Variants in IGF2R observed in about 807,000 individuals in gnomAD.
IGF2R encodes the protein cation-independent mannose-6-phosphate receptor.
IGF2R carries 91 observed loss-of-function variants against 270.6 expected under a neutral mutation model. That is an observed-to-expected ratio of 0.34 (90% CI 0.28 to 0.40). The LOEUF is 0.40. Ranked by LOEUF, IGF2R falls within the 10% of genes least tolerant of loss-of-function variation. The pLI, the probability that IGF2R is intolerant of heterozygous loss-of-function variation, is 1.00. For missense variants in IGF2R, 2,805 were observed against 3,188.3 expected (o/e 0.88, Z 2.90); for synonymous variants, 1,316 against 1,258.9 (o/e 1.05, Z -0.96).
chr6:159,969,472 C>T (rs1429130095), intron 1 of IGF2R, 77 bp downstream of exon 1: 26 of 1,050,008 alleles, frequency 2.5e-5, no homozygotes, highest in Non-Finnish European at 3.1e-5. Context: ...GGGGAGCGCT[C>T]GAGGAGCTCC....
intron 9 of IGF2R, among the ~76,000 whole-genome samples, chr6:160,033,619 A>C (rs1777750242): frequency 6.6e-6 from 1 of 152,266 alleles, no homozygotes; most frequent in Admixed American, 6.5e-5. Flanking sequence ...TAGAGTAAGA[A>C]TGCTTCTGTT....
chr6:160,101,839 C>T (rs146118384), intron 45 of IGF2R, among the ~76,000 whole-genome samples: 19 of 152,320 alleles, frequency 1.2e-4, no homozygotes, highest in South Asian at 6.2e-4. Context: ...GTCATGGAAA[C>T]GCACTGCTTT....
chr6:160,045,684 G>A, intron 13 of IGF2R, 61 bp from the exon 14 acceptor site: 2 of 1,595,524 alleles, frequency 1.3e-6, no homozygotes, highest in Admixed American at 3.3e-5. Flanking sequence ...AGAGAAGAAT[G>A]AGGTAAGATA....
Position 160,078,326 on chromosome 6 carries a change from C to G in IGF2R, c.5442C>G (p.Ser1814Arg). The G allele has an allele frequency of 1.2e-6, 2 of 1,614,170 alleles. No homozygotes were observed. Among genetic ancestry groups the G allele is most frequent in the Non-Finnish European group, 1.7e-6 (2 of 1,179,974 alleles). The change falls in exon 37 of 48, where the codon AGC becomes AGG. Residue 1814 changes from serine to arginine, a missense_variant. By Grantham distance (110) the Ser-to-Arg change is moderately radical (BLOSUM62 -1). This residue lies in a region of IGF2R where 1,851 missense variants were observed against 2,207.2 expected (regional missense o/e 0.84). Transcript: ENST00000356956. ...CTLTDEQLLY[S>R]FNLSSLSTST... is the part of the protein sequence containing the mutation. The stretch of plus-strand genomic sequence containing the variant: ...TGACAGATGAGCAGCTCCTCTACAG[C>G]TTCAACTTGTCCAGCCTTTCCACGA...
intron 6 of IGF2R, among the ~76,000 whole-genome samples, chr6:160,028,138 G>T (rs1289323613): frequency 6.6e-6 from 1 of 152,234 alleles, no homozygotes; most frequent in Non-Finnish European, 1.5e-5. Context: ...TTCCTACACA[G>T]TCTAAAGGCT....
chr6:160,072,030 A>G lies in IGF2R; in HGVS notation c.4564A>G (p.Ser1522Gly). 1 of 1,614,134 alleles carries G rather than the reference A, an allele frequency of 6.2e-7. No individual in the cohort carries two copies. Among genetic ancestry groups the G allele is most frequent in the Non-Finnish European group, 8.5e-7 (1 of 1,180,008 alleles). Residue 1522 changes from serine to glycine, a missense_variant, in exon 32 of 48, where the codon AGC (serine) becomes GGC (glycine). Ser to Gly is a moderately conservative substitution (Grantham distance 56). Around this residue, in one of 2 missense-constraint regions of IGF2R, gnomAD observed 1,851 missense variants for 2,207.2 expected, o/e 0.84. Transcript: ENST00000356956. ...EHDDCQVTNPSTGHLFDLSSL... is the reference protein window; with the variant it reads ...EHDDCQVTNPGTGHLFDLSSL... ...TGATGACTGCCAGGTCACCAACCCA[A>G]GCACAGGTGAGAGGTGGTGCCAGTC...
At chr6:160,079,479 C>A (rs1170723837) in intron 37 of IGF2R, 101 bp from the exon 38 acceptor site, 3 of 813,530 alleles carry the variant, frequency 3.7e-6, no homozygotes, top group Non-Finnish European at 5.2e-6. Context: ...TGCTCTTCCT[C>A]ATGAACCTGC....
In IGF2R at chr6:159,991,296, T is replaced by A. The variant is rs2115183564; in HGVS notation, c.262T>A (p.Leu88Met). The part of the protein sequence containing the change: ...GPSSAVCMHD[L>M]KTRTYHSVGD... The stretch of plus-strand genomic sequence containing the variant: ...ATCAAGTGCTGTTTGTATGCACGAC[T>A]TGAAGACACGCACTTATCATTCAGT... Residue 88 changes from leucine (L) to methionine (M), a missense_variant, in exon 2 of 48, where the codon TTG becomes ATG. Physicochemically the swap from Leu to Met is conservative, Grantham distance 15. Transcript: ENST00000356956. 6.2e-7 allele frequency: 1 copy of A among 1,613,648 alleles called. No individual in the cohort carries two copies. Among genetic ancestry groups the A allele is most frequent in the Non-Finnish European group, 8.5e-7 (1 of 1,179,814 alleles).
chr6:160,065,040 G>A, intron 29 of IGF2R, 139 bp downstream of exon 29: 1 of 640,152 alleles, frequency 1.6e-6, no homozygotes. Flanking sequence ...ATTAAAATGA[G>A]GAGTCGGGCT....
intron 2 of IGF2R, among the ~76,000 whole-genome samples, chr6:159,999,699 G>C (rs565984164): frequency 2.3e-4 from 35 of 152,206 alleles, no homozygotes; most frequent in Non-Finnish European, 4.1e-4. Flanking sequence ...ATATGTATGG[G>C]AACTTAAGAT....
chr6:159,991,309 C>G lies in IGF2R; in HGVS notation c.275C>G (p.Thr92Ser), dbSNP rs1015964251. 5 of 1,610,184 alleles carry G rather than the reference C, an allele frequency of 3.1e-6. No homozygotes were observed. The highest frequency in any genetic ancestry group is 3.4e-6 in the Non-Finnish European group (4 of 1,178,694). Reference sequence around the variant, plus strand: ...TGTATGCACGACTTGAAGACACGCACTTATCATTCAGTGGGTAAGTAGAAC... The same window carrying G: ...TGTATGCACGACTTGAAGACACGCAGTTATCATTCAGTGGGTAAGTAGAAC... ...AVCMHDLKTR[T>S]YHSVGDSVLR... Residue 92 changes from threonine (T) to serine (S), a missense_variant, in exon 2 of 48, where the codon ACT becomes AGT. Physicochemically the swap from Thr to Ser is moderately conservative, Grantham distance 58. Around this residue, in one of 2 missense-constraint regions of IGF2R, gnomAD observed 954 missense variants for 981.1 expected, o/e 0.97. Transcript: ENST00000356956.
intron 1 of IGF2R, among the ~76,000 whole-genome samples, chr6:159,989,595 TA>T (rs1783945940): frequency 6.6e-6 from 1 of 152,188 alleles, no homozygotes; most frequent in Admixed American, 6.5e-5. Flanking sequence ...GCATTGAAAA[TA>T]AAAAAATTTT....
intron 10 of IGF2R, among the ~76,000 whole-genome samples, chr6:160,034,862 A>T (rs377596534): frequency 5.2e-4 from 79 of 152,258 alleles, no homozygotes; most frequent in African/African-American, 1.9e-3. Flanking sequence ...CAGGGGCGGG[A>T]TGGCTTGTCA....
Position 160,044,557 on chromosome 6 carries a change from C to G in IGF2R, c.1665C>G (p.Pro555=). 6.2e-7 allele frequency: 1 copy of G among 1,608,012 alleles called. No homozygotes were observed. Among genetic ancestry groups the G allele is most frequent in the Non-Finnish European group, 8.5e-7 (1 of 1,175,918 alleles). ...ATCTGGGAAAATTTATTTCCTCTCC[C>G]ATGAAAGAGAAAGGAAACATTCAAC... is the stretch of plus-strand genomic sequence containing the variant. ...SKNLGKFISS[P]MKEKGNIQLS... The change falls in exon 13 of 48, where the codon CCC becomes CCG. Residue 555 remains proline (P), a synonymous_variant. Transcript: ENST00000356956.
At chr6:160,103,517 G>A (rs942128926) in intron 46 of IGF2R, among the ~76,000 whole-genome samples, 8 of 152,128 alleles carry the variant, frequency 5.3e-5, no homozygotes, top group Non-Finnish European at 1.2e-4. Context: ...GCTCTAGAGG[G>A]CCCTCTGCTG....
chr6:160,068,170 G>T, intron 29 of IGF2R, 79 bp from the exon 30 acceptor site: 1 of 1,510,116 alleles, frequency 6.6e-7, no homozygotes, highest in African/African-American at 1.4e-5. Context: ...CTGAATACTT[G>T]AACGTTTCTA....
At chr6:160,031,666 G>A (rs945397497) in intron 7 of IGF2R, among the ~76,000 whole-genome samples, 3 of 152,096 alleles carry the variant, frequency 2.0e-5, no homozygotes, top group Non-Finnish European at 2.9e-5. Flanking sequence ...CAGAAGCATC[G>A]ATTATGAGTC....
chr6:160,090,061 C>A lies in IGF2R; in HGVS notation c.6613C>A (p.Arg2205=). The part of the protein sequence containing the change: ...QVKPNDQHFS[R]KVGTSDKTKY... ...GAAGCCCAACGATCAGCACTTCAGT[C>A]GGAAAGTTGGAACCTCTGACAAGAC... Residue 2205 remains arginine (R), a synonymous_variant, in exon 44 of 48, where the codon CGG becomes AGG. Transcript: ENST00000356956. 6.3e-7 allele frequency: 1 copy of A among 1,584,340 alleles called. No individual in the cohort carries two copies. Among genetic ancestry groups the A allele is most frequent in the South Asian group, 1.2e-5 (1 of 86,540 alleles).
intron 1 of IGF2R, among the ~76,000 whole-genome samples, chr6:159,982,205 C>T (rs1037805624): frequency 6.6e-6 from 1 of 152,132 alleles, no homozygotes; most frequent in Non-Finnish European, 1.5e-5. Flanking sequence ...GTGTGGGAAC[C>T]CTGCCTCCTT....
Sources: gnomAD v4.1 joint callset for allele counts (sites outside exome capture counted in the v4.1 genomes callset) on GRCh38, gnomAD v4.1.1 for gene constraint, gnomAD v4.1.1 regional missense constraint, MANE v1.5 for transcripts, NCBI Gene and HGNC (gene_info 2026-07-23, HGNC 2026-07-21) for gene names.